Variants in DSCAM observed in about 807,000 individuals in gnomAD.
DSCAM encodes DS cell adhesion molecule, also known as cell adhesion molecule DSCAM.
In DSCAM, 47 loss-of-function variants were observed where a neutral mutation model predicts 217.7. The observed-to-expected ratio is 0.22, with a 90% CI of 0.17 to 0.28. The LOEUF is 0.28. Ranked by LOEUF, DSCAM falls within the 10% of genes least tolerant of loss-of-function variation. The probability of loss-of-function intolerance (pLI) is 1.00; values close to 1 mark genes in which losing one functional copy is unlikely to be tolerated. For synonymous variants in DSCAM, 1,056 were observed against 1,015.3 expected, an observed-to-expected ratio of 1.04 and a Z score of -0.76; for missense variants, 2,080 against 2,618.3, an observed-to-expected ratio of 0.79 and a Z score of 4.49.
intron 11 of DSCAM, among the ~76,000 whole-genome samples, chr21:40,269,206 G>A (rs531702068): frequency 6.6e-6 from 1 of 152,168 alleles, no homozygotes; most frequent in Non-Finnish European, 1.5e-5. Flanking sequence ...AAAGTCCCAG[G>A]TGATCTCATG....
At chr21:40,285,180 C>T (rs2073809905) in intron 10 of DSCAM, among the ~76,000 whole-genome samples, 1 of 152,164 alleles carries the variant, frequency 6.6e-6, no homozygotes, top group South Asian at 2.1e-4. Flanking sequence ...TGAGGTGACT[C>T]AATTATGCAG....
At chr21:40,503,132 A>T (rs1362378689) in intron 3 of DSCAM, among the ~76,000 whole-genome samples, 1 of 152,150 alleles carries the variant, frequency 6.6e-6, no homozygotes, top group African/African-American at 2.4e-5. Context: ...AAGAATATCT[A>T]TTATGCTACT....
chr21:40,228,702 C>T (rs1397281150), intron 11 of DSCAM, among the ~76,000 whole-genome samples: 1 of 148,626 alleles, frequency 6.7e-6, no homozygotes, highest in Non-Finnish European at 1.5e-5. Context: ...GTTCCAAGTG[C>T]TTGGAAGTTC....
chr21:40,182,286 T>C (rs1401340404), intron 14 of DSCAM, among the ~76,000 whole-genome samples: 2 of 152,132 alleles, frequency 1.3e-5, no homozygotes, highest in East Asian at 1.9e-4. Context: ...CCTTGTTCTC[T>C]GTCTTATTCT....
intron 2 of DSCAM, among the ~76,000 whole-genome samples, chr21:40,703,224 C>A (rs1451708472): frequency 1.3e-5 from 2 of 152,176 alleles, no homozygotes; most frequent in African/African-American, 4.8e-5. Flanking sequence ...CTTCATCTCA[C>A]CATTATTTTA....
chr21:40,115,542 T>A (rs559936157), intron 20 of DSCAM, among the ~76,000 whole-genome samples: 1 of 152,174 alleles, frequency 6.6e-6, no homozygotes, highest in East Asian at 1.9e-4. Context: ...TGTGCACATG[T>A]ACCCTAAAAC....
At chr21:40,620,724 T>C (rs1469449432) in intron 3 of DSCAM, among the ~76,000 whole-genome samples, 1 of 152,254 alleles carries the variant, frequency 6.6e-6, no homozygotes, top group Non-Finnish European at 1.5e-5. Flanking sequence ...GACAGCTTTT[T>C]ATAGAATTAA....
At chr21:40,771,749 T>C (rs1285558378) in intron 1 of DSCAM, among the ~76,000 whole-genome samples, 1 of 152,202 alleles carries the variant, frequency 6.6e-6, no homozygotes, top group East Asian at 1.9e-4. Flanking sequence ...GAATCCAACT[T>C]GTTTTATTTG....
chr21:40,786,982 C>T (rs754500137), intron 1 of DSCAM, among the ~76,000 whole-genome samples: 1 of 152,220 alleles, frequency 6.6e-6, no homozygotes, highest in African/African-American at 2.4e-5. Context: ...GGAACCCAGC[C>T]CTGCCTGATT....
chr21:40,190,702 A>T (rs2090944646), intron 11 of DSCAM, among the ~76,000 whole-genome samples: 1 of 152,160 alleles, frequency 6.6e-6, no homozygotes, highest in African/African-American at 2.4e-5. Context: ...AGCAAAAGCT[A>T]ACATACTCTA....
chr21:40,134,068 T>A (rs2090182580), intron 18 of DSCAM, 59 bp from the exon 19 acceptor site: 1 of 1,556,590 alleles, frequency 6.4e-7, no homozygotes, highest in South Asian at 1.2e-5. Flanking sequence ...TGCTCGTTTT[T>A]CCGCACTGTC....
chr21:40,535,705 T>TG lies in DSCAM; in HGVS notation c.508+157104dup, dbSNP rs552274921. ...TGCCCTTGAGAAGCTCAAAGTCAGG[T>TG]GGGAATGACAGGCAGATAAATACAT... On this transcript the variant is annotated intron_variant, in intron 3 of 32. Coordinates refer to ENST00000400454, the MANE Select transcript of DSCAM (RefSeq NM_001389.5). 4.9e-4 allele frequency among the ~76,000 whole-genome samples: 74 copies of TG among 152,196 alleles called. 1 individual carries two copies. In the South Asian group the frequency reaches 0.015, roughly 30 times the overall value.
At chr21:40,731,389 T>A (rs1175163595) in intron 1 of DSCAM, among the ~76,000 whole-genome samples, 2 of 152,156 alleles carry the variant, frequency 1.3e-5, no homozygotes, top group Non-Finnish European at 2.9e-5. Flanking sequence ...ATGGTCCTCA[T>A]GATAAGGAGG....
At chr21:40,114,869 A>G (rs1386243083) in intron 20 of DSCAM, among the ~76,000 whole-genome samples, 1 of 152,206 alleles carries the variant, frequency 6.6e-6, no homozygotes, top group Non-Finnish European at 1.5e-5. Context: ...ATGAGATACC[A>G]TCTCACACCA....
intron 3 of DSCAM, among the ~76,000 whole-genome samples, chr21:40,662,492 T>C (rs1288374531): frequency 1.3e-5 from 2 of 152,204 alleles, no homozygotes; most frequent in African/African-American, 2.4e-5. Context: ...AAGCATGCAT[T>C]GAACAGCAGA....
intron 11 of DSCAM, among the ~76,000 whole-genome samples, chr21:40,269,386 CG>C (rs1331106476): frequency 6.6e-6 from 1 of 152,206 alleles, no homozygotes; most frequent in Non-Finnish European, 1.5e-5. Flanking sequence ...GGAGCTGCTG[CG>C]TTTGATGGGT....
At chr21:40,426,652 G>A (rs2075477690) in intron 3 of DSCAM, among the ~76,000 whole-genome samples, 1 of 152,194 alleles carries the variant, frequency 6.6e-6, no homozygotes, top group Non-Finnish European at 1.5e-5. Flanking sequence ...GAGAGATGAA[G>A]AAAAGTACAA....
chr21:40,112,997 G>A (rs902757021), intron 20 of DSCAM, among the ~76,000 whole-genome samples: 6 of 152,144 alleles, frequency 3.9e-5, no homozygotes, highest in Admixed American at 2.0e-4. Flanking sequence ...ACAAGGAGGA[G>A]CTGGTACCAT....
At chr21:40,793,612 T>C (rs2091665946) in intron 1 of DSCAM, among the ~76,000 whole-genome samples, 1 of 151,972 alleles carries the variant, frequency 6.6e-6, no homozygotes, top group Non-Finnish European at 1.5e-5. Context: ...TGCCTCAGCC[T>C]CCCGGGTAGC....
Sources: allele counts gnomAD v4.1 joint callset (sites outside exome capture counted in the v4.1 genomes callset), GRCh38; gene constraint gnomAD v4.1.1; transcripts MANE v1.5; gene names NCBI Gene and HGNC (gene_info 2026-07-23, HGNC 2026-07-21).